CCND3: variants seen among roughly 807,000 people sequenced by gnomAD.
CCND3 encodes G1/S-specific cyclin-D3.
Under a neutral mutation model 28.7 loss-of-function variants are expected in CCND3, and 9 were observed. The observed-to-expected ratio is 0.31, with a 90% CI of 0.19 to 0.55. The LOEUF (loss-of-function observed/expected upper bound fraction) is 0.55, where lower values mean the gene tolerates loss of function less well. Among genes scored for constraint, CCND3 ranks in the 20% least tolerant of loss-of-function variants. The pLI is 0.93. For synonymous variants in CCND3, 164 were observed against 163.9 expected, an observed-to-expected ratio of 1.00 and a Z score of 0.00; for missense variants, 315 against 385.8, an observed-to-expected ratio of 0.82 and a Z score of 1.54.
chr6:41,944,237 C>T (rs1046260312), upstream of CCND3, among the ~76,000 whole-genome samples: 6 of 151,950 alleles, frequency 3.9e-5, no homozygotes, highest in Non-Finnish European at 5.9e-5. Flanking sequence ...CTAGGGAGAC[C>T]GAAGCAGGAG....
intron 1 of CCND3, among the ~76,000 whole-genome samples, chr6:41,979,444 G>A (rs1762272471): frequency 1.3e-5 from 2 of 149,264 alleles, no homozygotes; most frequent in South Asian, 4.2e-4. Context: ...TGAGGCAGGA[G>A]AATGGCATGA....
chr6:41,996,745 A>G (rs1244778839), intron 1 of CCND3, among the ~76,000 whole-genome samples: 1 of 148,320 alleles, frequency 6.7e-6, no homozygotes, highest in Non-Finnish European at 1.5e-5. Flanking sequence ...GCTCACTGCA[A>G]CCTCCACCTC....
intron 1 of CCND3, among the ~76,000 whole-genome samples, chr6:41,999,181 G>A (rs372890221): frequency 3.0e-4 from 45 of 151,596 alleles, no homozygotes; most frequent in African/African-American, 1.1e-3. Context: ...GCGCCATTGC[G>A]CTTCAGCCTA....
intron 1 of CCND3, among the ~76,000 whole-genome samples, chr6:41,955,636 G>A (rs1776417254): frequency 7.1e-6 from 1 of 141,260 alleles, no homozygotes; most frequent in Admixed American, 7.7e-5. Flanking sequence ...AGCCGGCATG[G>A]TGACCCTATC....
chr6:41,982,726 A>G (rs1483168593), intron 1 of CCND3, among the ~76,000 whole-genome samples: 1 of 152,110 alleles, frequency 6.6e-6, no homozygotes, highest in African/African-American at 2.4e-5. Context: ...TTGGCAAAAG[A>G]CTCGACAAAT....
At chr6:42,034,738 A>C (rs1484009171) in intron 1 of CCND3, among the ~76,000 whole-genome samples, 2 of 152,008 alleles carry the variant, frequency 1.3e-5, no homozygotes, top group Non-Finnish European at 2.9e-5. Flanking sequence ...TCGGCCTCCC[A>C]AAGTGCTGGA....
chr6:42,020,841 T>C (rs1362997716), intron 1 of CCND3, among the ~76,000 whole-genome samples: 4 of 152,226 alleles, frequency 2.6e-5, no homozygotes, highest in Non-Finnish European at 5.9e-5. Flanking sequence ...AACCTCTGCC[T>C]TCTGGGTTCA....
chr6:42,003,938 C>CA (rs34911832), intron 1 of CCND3, among the ~76,000 whole-genome samples: 15,242 of 85,010 alleles, frequency 0.18, 1,244 homozygotes, highest in South Asian at 0.22. Flanking sequence ...GACCCTATCT[C>CA]AAAAAAAAAA....
At chr6:42,044,776 TCTTTCC>T (rs1423669740) in intron 1 of CCND3, among the ~76,000 whole-genome samples, 3 of 147,162 alleles carry the variant, frequency 2.0e-5, no homozygotes, top group East Asian at 2.1e-4. Flanking sequence ...TTCTTTTCTT[TCTTTCC>T]TTTTATTTAT....
chr6:42,047,400 A>T (rs978461161), intron 1 of CCND3, among the ~76,000 whole-genome samples: 18 of 152,364 alleles, frequency 1.2e-4, no homozygotes, highest in African/African-American at 4.1e-4. Context: ...TTGAACGGCC[A>T]GAAGAATCTG....
intron 1 of CCND3, among the ~76,000 whole-genome samples, chr6:42,039,359 G>A (rs1764306202): frequency 6.6e-6 from 1 of 152,210 alleles, no homozygotes; most frequent in African/African-American, 2.4e-5. Context: ...GATGTTGGAT[G>A]AATATACTAG....
chr6:42,020,128 A>C (rs781685402), intron 1 of CCND3, among the ~76,000 whole-genome samples: 32 of 152,078 alleles, frequency 2.1e-4, no homozygotes, highest in Admixed American at 1.1e-3. Context: ...AATGCAAAAA[A>C]ATTAGCCGAG....
intron 1 of CCND3, among the ~76,000 whole-genome samples, chr6:41,978,415 A>C (rs1030647842): frequency 1.4e-4 from 21 of 151,614 alleles, no homozygotes; most frequent in Non-Finnish European, 2.5e-4. Context: ...GCATCCCCGT[A>C]ATCCCAGCTA....
At chr6:41,947,183 T>C (rs943891028) in intron 1 of CCND3, among the ~76,000 whole-genome samples, 3 of 150,858 alleles carry the variant, frequency 2.0e-5, no homozygotes, top group African/African-American at 4.9e-5. Context: ...ATCGCGCCAC[T>C]GCACTCCAGC....
intron 2 of CCND3, 33 bp from the exon 3 acceptor site, chr6:41,937,427 C>A: frequency 6.2e-7 from 1 of 1,612,996 alleles, no homozygotes; most frequent in Non-Finnish European, 8.5e-7. Flanking sequence ...GGGTCAGTGG[C>A]TGGAGAAGTG....
intron 1 of CCND3, among the ~76,000 whole-genome samples, chr6:41,976,389 C>T (rs1762186858): frequency 6.6e-6 from 1 of 151,974 alleles, no homozygotes; most frequent in African/African-American, 2.4e-5. Flanking sequence ...TGATAACACA[C>T]ACCTGTTATT....
Position 41,941,350 on chromosome 6 carries a change from G to A in CCND3, c.198+102C>T, listed in dbSNP as rs1017720006. The A allele has an allele frequency of 1.6e-5, 24 of 1,526,094 alleles. No homozygotes were observed. Among genetic ancestry groups the A allele is most frequent in the Non-Finnish European group, 2.1e-5 (24 of 1,140,824 alleles). 94.5% of individuals were successfully genotyped at this position (1,526,094 alleles called of 1,614,324 possible). On this transcript the variant is annotated intron_variant, in intron 1 of 4. Coordinates refer to ENST00000372991, the MANE Select transcript of CCND3 (RefSeq NM_001760.5). The surrounding 1 kb of genome is among the most constrained non-coding windows in gnomAD (Gnocchi z 6.1). ...AGGCCCCGGGAGTCTTAGCCTCGGA[G>A]CATCCTGCAGATTGCTGTGGGGACC... is the stretch of plus-strand genomic sequence containing the variant.
chr6:42,049,928 C>T (rs775688634), upstream of CCND3: 1 of 152,224 alleles, frequency 6.6e-6, no homozygotes, highest in Non-Finnish European at 1.5e-5. Flanking sequence ...AATAATAAGA[C>T]AAGTTTGGAA....
chr6:42,012,083 A>G lies in CCND3; in HGVS notation c.-46+36418T>C, dbSNP rs75752556. 1.4e-3 allele frequency among the ~76,000 whole-genome samples: 213 copies of G among 152,338 alleles called. 1 individual carries two copies. The highest frequency in any genetic ancestry group is 4.7e-3 in the African/African-American group (194 of 41,584). On this transcript the variant is annotated intron_variant, in intron 1 of 4. Transcript: ENST00000372988. ...CCTTGCCCACTCTTCAAAAATGTTG[A>G]TGTCATGGAAGACAAAAACTAAGGA...
Sources: gnomAD v4.1 joint callset for allele counts (sites outside exome capture counted in the v4.1 genomes callset) on GRCh38, gnomAD v4.1.1 for gene constraint, Gnocchi (gnomAD v3.1) non-coding constraint, MANE v1.5 for transcripts, NCBI Gene and HGNC (gene_info 2026-07-23, HGNC 2026-07-21) for gene names.